RPL5: variants seen among roughly 807,000 people sequenced by gnomAD.
RPL5 encodes ribosomal protein L5, also known as large ribosomal subunit protein uL18.
Under a neutral mutation model 38.4 loss-of-function variants are expected in RPL5, and 1 was observed. The observed-to-expected ratio is 0.03, with a 90% CI of 0.01 to 0.12. The LOEUF (loss-of-function observed/expected upper bound fraction) is 0.12. RPL5 is among the 10% of genes least tolerant of loss of function. RPL5 has a pLI of 1.00. For missense variants in RPL5, 243 were observed against 374.1 expected (o/e 0.65, Z 2.89); for synonymous variants, 109 against 121.2 (o/e 0.90, Z 0.66).
intron 3 of RPL5, 95 bp downstream of exon 3, chr1:92,833,755 A>G: frequency 1.1e-6 from 1 of 951,148 alleles, no homozygotes; most frequent in South Asian, 1.4e-5. Context: ...AGGGCTGTCT[A>G]GCACCTCCAA....
At position 92,837,607 on chromosome 1, in the gene RPL5, A is replaced by C; in HGVS notation, c.679A>C (p.Ile227Leu). The change falls in exon 6 of 8, where the codon ATA (isoleucine) becomes CTA (leucine). Residue 227 changes from isoleucine to leucine, a missense_variant. Transcript: ENST00000370321. ...DAYKKQFSQYIKNSVTPDMME... is the reference protein window; with the variant it reads ...DAYKKQFSQYLKNSVTPDMME... ...TTACAAGAAACAGTTCTCTCAATAC[A>C]TAAAGAACAGCGTAACTCCAGACAT... 1 of 1,612,192 alleles carries C rather than the reference A, an allele frequency of 6.2e-7. No homozygotes were observed. The highest frequency in any genetic ancestry group is 8.5e-7 in the Non-Finnish European group (1 of 1,179,724).
In RPL5 at chr1:92,837,503, C is replaced by T. The variant is rs778891633; in HGVS notation, c.575C>T (p.Ala192Val). The T allele has an allele frequency of 6.2e-7, 1 of 1,612,786 alleles. No individual in the cohort carries two copies. ...GATTCTGAAAGCAAGGAATTTAATGCAGAAGTACATCGGAAGCACATCATG... is the reference window on the plus strand; with the variant it reads ...GATTCTGAAAGCAAGGAATTTAATGTAGAAGTACATCGGAAGCACATCATG... ...GYDSESKEFNAEVHRKHIMGQ... is the reference protein window; with the variant it reads ...GYDSESKEFNVEVHRKHIMGQ... Residue 192 changes from alanine to valine, a missense_variant, in exon 6 of 8, where the codon GCA becomes GTA. By Grantham distance (64) the Ala-to-Val change is moderately conservative. Coordinates refer to ENST00000370321, the MANE Select transcript of RPL5 (RefSeq NM_000969.5).
At chr1:92,838,123 C>G (rs982159960) in intron 6 of RPL5, among the ~76,000 whole-genome samples, 2 of 152,162 alleles carry the variant, frequency 1.3e-5, no homozygotes, top group African/African-American at 4.8e-5. Flanking sequence ...ATTCCTGACC[C>G]AGGTTCTTTT....
rs1571038275 is a variant in RPL5, at chr1:92,840,607, AAAG to A, written c.766_768del (p.Lys256del). The A allele has an allele frequency of 6.2e-7, 1 of 1,611,874 alleles. No homozygotes were observed. Among genetic ancestry groups the A allele is most frequent in the Non-Finnish European group, 8.5e-7 (1 of 1,179,854 alleles). On this transcript the variant is annotated inframe_deletion, in exon 7 of 8. Transcript: ENST00000370321. ...CTATACGAGAGAATCCAGTCTATGA[AAAG>A]AAGCCCAAGAAAGAAGTTAAAAAGA...
chr1:92,832,108 C>G lies in RPL5; in HGVS notation c.-7C>G. On this transcript the variant is annotated 5_prime_UTR_variant, in exon 1 of 8. Transcript: ENST00000370321. ...CGAGCAGCGGACGCCGGTCTCTGTT[C>G]CGCAGGATGGTGAGTGGATGCCTCG... 1.9e-6 allele frequency: 3 copies of G among 1,614,132 alleles called. No individual in the cohort carries two copies. The highest frequency in any genetic ancestry group is 2.5e-6 in the Non-Finnish European group (3 of 1,179,990).
chr1:92,833,248 T>C (rs1031309268), intron 1 of RPL5, 141 bp from the exon 2 acceptor site: 13 of 715,674 alleles, frequency 1.8e-5, no homozygotes, highest in Non-Finnish European at 3.2e-5. Flanking sequence ...CCCTAGTTGC[T>C]TGTGAAACCT....
At chr1:92,837,169 C>T (rs1687162499) in intron 5 of RPL5, 1 of 533,308 alleles carries the variant, frequency 1.9e-6, no homozygotes, top group South Asian at 1.7e-5. Flanking sequence ...AGTTTTGAAA[C>T]TCCTTCCTGT....
intron 5 of RPL5, chr1:92,836,940 A>C (rs867798079): frequency 4.3e-5 from 10 of 231,662 alleles, no homozygotes; most frequent in South Asian, 2.3e-4. Context: ...ACTTCTTAGG[A>C]ATATTTTAGC....
intron 6 of RPL5, chr1:92,840,126 G>A (rs187133053): frequency 9.1e-6 from 2 of 219,700 alleles, no homozygotes; most frequent in East Asian, 2.5e-4. Flanking sequence ...CTCACGTGTA[G>A]TCCTGTAGCT....
rs767035217 is a variant in RPL5, at chr1:92,833,605, A to G, written c.134A>G (p.Asn45Ser). 6.2e-6 allele frequency: 10 copies of G among 1,612,760 alleles called. No individual in the cohort carries two copies. Among genetic ancestry groups the G allele is most frequent in the East Asian group, 2.2e-5 (1 of 44,882 alleles). ...GTGATACAAGATAAAAATAAATACA[A>G]CACACCCAAATACAGGATGATAGTT... ...RLVIQDKNKY[N>S]TPKYRMIVRV... is the part of the protein sequence containing the mutation. The change falls in exon 3 of 8, where the codon AAC becomes AGC. Residue 45 changes from asparagine (N) to serine (S), a missense_variant. Coordinates refer to ENST00000370321, the MANE Select transcript of RPL5 (RefSeq NM_000969.5).
At chr1:92,841,024 T>C (rs1044565622) in intron 7 of RPL5, among the ~76,000 whole-genome samples, 21 of 152,238 alleles carry the variant, frequency 1.4e-4, no homozygotes, top group African/African-American at 5.1e-4. Context: ...ATTTAACATA[T>C]TCACCTCAAA....
In RPL5 at chr1:92,832,293, C is replaced by T. The variant is rs1686938708; in HGVS notation, c.3+176C>T. On this transcript the variant is annotated intron_variant, in intron 1 of 7. Coordinates refer to ENST00000370321, the MANE Select transcript of RPL5 (RefSeq NM_000969.5). The stretch of plus-strand genomic sequence containing the variant: ...GGCCTTAAATGGCTGCCGCCCGGTG[C>T]GCGAACTTGGGGGGAGGGGTTGGCG... 6 of 994,886 alleles carry T rather than the reference C, an allele frequency of 6.0e-6. No individual in the cohort carries two copies. In the South Asian group the frequency reaches 8.3e-5, roughly 14 times the overall value. The allele number at this position is 994,886 out of a possible 1,614,324, so 61.6% of individuals were successfully genotyped here.
At position 92,833,683 on chromosome 1, in the gene RPL5, C is replaced by T. The variant is rs755086283; in HGVS notation, c.189+23C>T. ...CAGGTAAGTTGTATTCTAGACAGTC[C>T]CCTTTTTTTATTGCTAGAGAAATTG... On this transcript the variant is annotated intron_variant, in intron 3 of 7. Transcript: ENST00000370321. 50 of 1,577,196 alleles carry T rather than the reference C, an allele frequency of 3.2e-5. 1 individual carries two copies. Among genetic ancestry groups the T allele is most frequent in the East Asian group, 2.2e-5 (1 of 44,710 alleles).
At chr1:92,834,134 T>A (rs1352169711) in intron 3 of RPL5, among the ~76,000 whole-genome samples, 3 of 152,158 alleles carry the variant, frequency 2.0e-5, no homozygotes, top group East Asian at 1.9e-4. Flanking sequence ...TAGAAGTAAG[T>A]AAGAAGTTCT....
chr1:92,836,070 G>T (rs1427223895), intron 4 of RPL5, 120 bp from the exon 5 acceptor site: 1 of 859,628 alleles, frequency 1.2e-6, no homozygotes, highest in Non-Finnish European at 2.0e-6. Context: ...GAAAGGGTGG[G>T]TGTGGAAGGA....
At chr1:92,832,285 G>T (rs1686938229) in intron 1 of RPL5, 168 bp downstream of exon 1, 6 of 1,070,874 alleles carry the variant, frequency 5.6e-6, no homozygotes, top group South Asian at 4.0e-5. Context: ...AATGGCTGCC[G>T]CCCGGTGCGC....
chr1:92,833,782 A>T, intron 3 of RPL5, 122 bp downstream of exon 3: 1 of 788,020 alleles, frequency 1.3e-6, no homozygotes, highest in Non-Finnish European at 2.1e-6. Flanking sequence ...CCAGTGAATA[A>T]TTTTTCCTTT....
chr1:92,841,882 T>C lies in RPL5; in HGVS notation c.*17T>C. ...GAGAGCTAAACCCAGCAATTTTCTA[T>C]GATTTTTTCAGATATAGATAATAAA... is the stretch of plus-strand genomic sequence containing the variant. On this transcript the variant is annotated 3_prime_UTR_variant, in exon 8 of 8. Transcript: ENST00000370321. 5 of 1,590,570 alleles carry C rather than the reference T, an allele frequency of 3.1e-6. No homozygotes were observed. Among genetic ancestry groups the C allele is most frequent in the South Asian group, 1.1e-5 (1 of 90,476 alleles).
chr1:92,837,711 C>G, intron 6 of RPL5, 78 bp downstream of exon 6: 7 of 1,174,130 alleles, frequency 6.0e-6, no homozygotes, highest in Non-Finnish European at 8.8e-6. Flanking sequence ...GGGCAGGTAA[C>G]ATTCTTATAT....
Sources: allele counts gnomAD v4.1 joint callset (sites outside exome capture counted in the v4.1 genomes callset), GRCh38; gene constraint gnomAD v4.1.1; transcripts MANE v1.5; gene names NCBI Gene and HGNC (gene_info 2026-07-23, HGNC 2026-07-21).